The following TICRR variants were observed in gnomAD, a reference collection of about 807,000 sequenced individuals.
The protein encoded by TICRR is treslin.
In TICRR, 132 loss-of-function variants were observed where a neutral mutation model predicts 178.1. The ratio of observed to expected loss-of-function variants is 0.74; its 90% CI spans 0.64 to 0.86. The LOEUF (loss-of-function observed/expected upper bound fraction) is 0.86, where lower values mean the gene tolerates loss of function less well. Ranked by LOEUF, TICRR falls within the 40% of genes least tolerant of loss-of-function variation. The pLI is 0.00. For synonymous variants in TICRR, 991 were observed against 900.7 expected, an observed-to-expected ratio of 1.10 and a Z score of -1.79; for missense variants, 2,587 against 2,334.3, an observed-to-expected ratio of 1.11 and a Z score of -2.23.
At chr15:89,581,067 C>A (rs1026892161) in intron 1 of TICRR, among the ~76,000 whole-genome samples, 2 of 152,126 alleles carry the variant, frequency 1.3e-5, no homozygotes, top group Non-Finnish European at 2.9e-5. Context: ...GCAGTCTATT[C>A]AGAACAGTCC....
intron 7 of TICRR, among the ~76,000 whole-genome samples, chr15:89,597,974 C>A (rs1963025880): frequency 6.6e-6 from 1 of 152,118 alleles, no homozygotes; most frequent in African/African-American, 2.4e-5. Flanking sequence ...CTGGGTATTT[C>A]ATATTTAGGG....
chr15:89,610,368 C>A (rs1963238488), intron 15 of TICRR, among the ~76,000 whole-genome samples: 1 of 152,100 alleles, frequency 6.6e-6, no homozygotes, highest in African/African-American at 2.4e-5. Context: ...TCAATTTCTG[C>A]TTCATGTATT....
At chr15:89,597,705 A>G (rs760255060) in intron 7 of TICRR, among the ~76,000 whole-genome samples, 25 of 152,144 alleles carry the variant, frequency 1.6e-4, no homozygotes, top group Admixed American at 2.6e-4. Flanking sequence ...CTCATTCAAT[A>G]TTGAGTTAGT....
chr15:89,591,927 T>G, intron 4 of TICRR, 120 bp from the exon 5 acceptor site: 1 of 786,070 alleles, frequency 1.3e-6, no homozygotes, highest in Non-Finnish European at 1.9e-6. Context: ...ATGTTAACTG[T>G]GCACTTTGTA....
intron 5 of TICRR, among the ~76,000 whole-genome samples, chr15:89,592,421 TTAAATA>T (rs1962928775): frequency 6.6e-6 from 1 of 152,078 alleles, no homozygotes; most frequent in South Asian, 2.1e-4. Context: ...ATTCGTCAAG[TTAAATA>T]TAAATAAATA....
intron 9 of TICRR, among the ~76,000 whole-genome samples, chr15:89,600,904 A>T (rs1458271224): frequency 6.6e-6 from 1 of 152,070 alleles, no homozygotes; most frequent in East Asian, 1.9e-4. Flanking sequence ...TAATTAGGTG[A>T]GCATGGTGGT....
chr15:89,583,167 C>G (rs144910696), intron 2 of TICRR, among the ~76,000 whole-genome samples: 1 of 151,748 alleles, frequency 6.6e-6, no homozygotes, highest in Non-Finnish European at 1.5e-5. Context: ...CAACTGCCAG[C>G]CTTTGTACAA....
chr15:89,621,982 C>CTT (rs34123859), intron 19 of TICRR, among the ~76,000 whole-genome samples: 2,704 of 87,722 alleles, frequency 0.031, 190 homozygotes, highest in African/African-American at 0.095. Context: ...CAAACTGACT[C>CTT]TTTTTTTTTT....
At chr15:89,609,100 CTTTTTTTT>C (rs59398617) in intron 15 of TICRR, 151 bp downstream of exon 15, 766 of 84,644 alleles carry the variant, frequency 9.0e-3, no homozygotes, top group South Asian at 0.019. Context: ...TTTTGTTAAT[CTTTTTTTT>C]TTTTTTTTTT....
Position 89,585,721 on chromosome 15 carries a change from A to T in TICRR, c.1190A>T (p.Asp397Val). 6.2e-7 allele frequency: 1 copy of T among 1,613,788 alleles called. No individual in the cohort carries two copies. The highest frequency in any genetic ancestry group is 8.5e-7 in the Non-Finnish European group (1 of 1,179,802). The change falls in exon 4 of 22, where the codon GAC becomes GTC. Residue 397 changes from aspartate (D) to valine (V), a missense_variant. By Grantham distance (152) the Asp-to-Val change is radical. Coordinates refer to ENST00000268138, the MANE Select transcript of TICRR (RefSeq NM_152259.4). Reference protein sequence around the residue: ...AEELHLVADVDPGEGRPPITG... With the variant: ...AEELHLVADVVPGEGRPPITG... ...CTTCTCACGTAGGTTGCTGATGTGG[A>T]CCCTGGTGAAGGCCGGCCCCCCATC...
intron 4 of TICRR, among the ~76,000 whole-genome samples, chr15:89,588,464 T>C (rs1962857430): frequency 1.3e-5 from 2 of 152,106 alleles, no homozygotes; most frequent in South Asian, 4.1e-4. Context: ...TTACAGGATT[T>C]GTCCATGGAA....
chr15:89,581,208 C>T (rs1962718760), intron 1 of TICRR, among the ~76,000 whole-genome samples: 1 of 146,786 alleles, frequency 6.8e-6, no homozygotes, highest in South Asian at 2.2e-4. Flanking sequence ...AGTTCTGATT[C>T]CTAACATTCA....
In TICRR at chr15:89,585,719, G is replaced by A; in HGVS notation, c.1188G>A (p.Val396=). ...GGCTTCTCACGTAGGTTGCTGATGTGGACCCTGGTGAAGGCCGGCCCCCCA... is the reference window on the plus strand; with the variant it reads ...GGCTTCTCACGTAGGTTGCTGATGTAGACCCTGGTGAAGGCCGGCCCCCCA... ...TAEELHLVAD[V]DPGEGRPPIT... is the part of the protein sequence containing the mutation. Residue 396 remains valine (V), a synonymous_variant, in exon 4 of 22, where the codon GTG becomes GTA. Transcript: ENST00000268138. 6.2e-7 allele frequency: 1 copy of A among 1,613,850 alleles called. No homozygotes were observed. Among genetic ancestry groups the A allele is most frequent in the Non-Finnish European group, 8.5e-7 (1 of 1,179,840 alleles).
chr15:89,584,394 A>T lies in TICRR; in HGVS notation c.1043A>T (p.Gln348Leu). The change falls in exon 3 of 22, where the codon CAG (glutamine) becomes CTG (leucine). Residue 348 changes from glutamine to leucine, a missense_variant. Coordinates refer to ENST00000268138, the MANE Select transcript of TICRR (RefSeq NM_152259.4). ...VRIFLKGSVA[Q>L]WSLPTSSTLG... ...ATTTTTCTAAAAGGCTCAGTGGCCC[A>T]GTGGTCTCTCCCAACGAGCAGCACT... 1.2e-6 allele frequency: 2 copies of T among 1,614,254 alleles called. No homozygotes were observed. Among genetic ancestry groups the T allele is most frequent in the South Asian group, 2.2e-5 (2 of 91,090 alleles).
rs927224863 is a variant in TICRR, at chr15:89,619,579, AAGCTAAT to A, written c.3020-124_3020-118del. ...TAAGAGACACTTCAGAAGTCTCTTA[AAGCTAAT>A]AGCTTGCTGAATTTCCATCTTATAT... is the stretch of plus-strand genomic sequence containing the variant. On this transcript the variant is annotated intron_variant, in intron 17 of 21. Transcript: ENST00000268138. The A allele has an allele frequency of 6.2e-6, 6 of 962,420 alleles. No homozygotes were observed. The African/African-American group carries it at 9.9e-5, about 16-fold the overall frequency. The allele number at this position is 962,420 out of a possible 1,614,324, so 59.6% of individuals were successfully genotyped here.
intron 1 of TICRR, among the ~76,000 whole-genome samples, chr15:89,577,344 A>G (rs1962641916): frequency 6.6e-6 from 1 of 152,144 alleles, no homozygotes; most frequent in Admixed American, 6.5e-5. Context: ...GTTAAGTGCT[A>G]GGATAAGTAT....
intron 16 of TICRR, chr15:89,617,949 C>T (rs1168675122): frequency 9.6e-6 from 6 of 621,824 alleles, no homozygotes; most frequent in Non-Finnish European, 1.7e-5. Context: ...GCCTTAGCCT[C>T]CTAAGGTGCT....
chr15:89,608,936 CAAG>C lies in TICRR; in HGVS notation c.2862_2864del (p.Lys954del), dbSNP rs761808940. On this transcript the variant is annotated inframe_deletion, in exon 15 of 22. Coordinates refer to ENST00000268138, the MANE Select transcript of TICRR (RefSeq NM_152259.4). ...GTCTAGAGGATAAACTTGACAACTT[CAAG>C]AAGAACAAAGGTACCACATTTCAGA... The C allele has an allele frequency of 4.4e-6, 7 of 1,595,364 alleles. No homozygotes were observed. The highest frequency in any genetic ancestry group is 1.8e-5 in the Admixed American group (1 of 55,270).
chr15:89,588,224 A>G (rs1224268281), intron 4 of TICRR, among the ~76,000 whole-genome samples: 2 of 152,108 alleles, frequency 1.3e-5, no homozygotes, highest in Non-Finnish European at 2.9e-5. Context: ...GGGAGGAGGA[A>G]GTGGCTCTTG....
Sources: allele counts gnomAD v4.1 joint callset (sites outside exome capture counted in the v4.1 genomes callset), GRCh38; gene constraint gnomAD v4.1.1; transcripts MANE v1.5; gene names NCBI Gene and HGNC (gene_info 2026-07-23, HGNC 2026-07-21).